Variants in LINGO2 observed in about 807,000 individuals in gnomAD.
LINGO2 encodes the protein leucine rich repeat and Ig domain containing 2.
In LINGO2, 14 loss-of-function variants were observed where a neutral mutation model predicts 30.6. That is an observed-to-expected ratio of 0.46 (90% CI 0.30 to 0.72). The LOEUF (loss-of-function observed/expected upper bound fraction) is 0.72, where lower values mean the gene tolerates loss of function less well. Among genes scored for constraint, LINGO2 ranks in the 30% least tolerant of loss-of-function variants. The pLI, the probability that LINGO2 is intolerant of heterozygous loss-of-function variation, is 0.07. For synonymous variants in LINGO2, 317 were observed against 288.5 expected (o/e 1.10, Z -1.00); for missense variants, 729 against 751.7 (o/e 0.97, Z 0.35).
At chr9:27,983,879 C>A (rs10812715) in intron 5 of LINGO2, among the ~76,000 whole-genome samples, 1 of 151,604 alleles carries the variant, frequency 6.6e-6, no homozygotes, top group Non-Finnish European at 1.5e-5. Flanking sequence ...GCTTTCCTAC[C>A]AGAAATTTCT....
the LINGO2 span, among the ~76,000 whole-genome samples, chr9:29,179,158 AATAT>A: frequency 0.046 from 4,613 of 100,614 alleles, 69 homozygotes; most frequent in Middle Eastern, 0.063. Flanking sequence ...TCTTACTGTA[AATAT>A]ATATATATAT....
chr9:28,749,820 A>T, the LINGO2 span, among the ~76,000 whole-genome samples: 1 of 152,056 alleles, frequency 6.6e-6, no homozygotes, highest in Non-Finnish European at 1.5e-5. Context: ...CTGATAAAAT[A>T]AAGCTCACAA....
At chr9:28,857,574 G>T in the LINGO2 span, among the ~76,000 whole-genome samples, 1 of 151,958 alleles carries the variant, frequency 6.6e-6, no homozygotes, top group Non-Finnish European at 1.5e-5. Context: ...TAGGCAGATT[G>T]GCAAAGGGGC....
chr9:29,070,857 GA>G, the LINGO2 span, among the ~76,000 whole-genome samples: 4 of 150,550 alleles, frequency 2.7e-5, no homozygotes, highest in East Asian at 7.8e-4. Flanking sequence ...TTTATGATTA[GA>G]AGAACAAAGA....
chr9:28,086,978 C>A (rs535931112), intron 4 of LINGO2, among the ~76,000 whole-genome samples: 2 of 152,214 alleles, frequency 1.3e-5, no homozygotes, highest in Admixed American at 6.6e-5. Context: ...ACCTTTGGAT[C>A]AGAGTTAGAC....
the LINGO2 span, among the ~76,000 whole-genome samples, chr9:28,872,427 T>C: frequency 7.9e-5 from 12 of 152,106 alleles, no homozygotes; most frequent in Non-Finnish European, 8.8e-5. Flanking sequence ...ACAATTAAAC[T>C]ATAATGGGGC....
intron 1 of LINGO2, among the ~76,000 whole-genome samples, chr9:28,524,866 T>A (rs1183428642): frequency 6.6e-6 from 1 of 152,116 alleles, no homozygotes; most frequent in Non-Finnish European, 1.5e-5. Flanking sequence ...TCTTTAAAAA[T>A]AGGTAAAGAA....
At chr9:28,414,168 A>T (rs1423173209) in intron 2 of LINGO2, among the ~76,000 whole-genome samples, 1 of 152,046 alleles carries the variant, frequency 6.6e-6, no homozygotes, top group African/African-American at 2.4e-5. Flanking sequence ...CAAAATAAAA[A>T]ATAATAAGAC....
At chr9:28,650,300 T>C (rs1051607174) in intron 1 of LINGO2, among the ~76,000 whole-genome samples, 1 of 152,044 alleles carries the variant, frequency 6.6e-6, no homozygotes. Flanking sequence ...AGAAAGCAGA[T>C]TGAGTTGCTT....
chr9:28,926,733 A>T, the LINGO2 span, among the ~76,000 whole-genome samples: 1 of 152,214 alleles, frequency 6.6e-6, no homozygotes, highest in Non-Finnish European at 1.5e-5. Context: ...TGCTCTATTT[A>T]ACAAACTTCT....
the LINGO2 span, among the ~76,000 whole-genome samples, chr9:28,950,424 G>A: frequency 6.6e-6 from 1 of 152,062 alleles, no homozygotes. Context: ...GAAATGAAGG[G>A]TATTCAAATA....
chr9:27,959,413 T>C (rs1285270867), intron 5 of LINGO2, among the ~76,000 whole-genome samples: 3 of 152,182 alleles, frequency 2.0e-5, no homozygotes, highest in Non-Finnish European at 4.4e-5. Context: ...TATCCCTTTC[T>C]ACATGCTTTA....
At chr9:28,971,988 A>T in the LINGO2 span, among the ~76,000 whole-genome samples, 3 of 152,240 alleles carry the variant, frequency 2.0e-5, no homozygotes, top group Non-Finnish European at 2.9e-5. Flanking sequence ...AAGGGAAGAG[A>T]ACAAGAGTCT....
the LINGO2 span, among the ~76,000 whole-genome samples, chr9:28,968,731 C>T: frequency 6.6e-6 from 1 of 152,058 alleles, no homozygotes; most frequent in African/African-American, 2.4e-5. Context: ...TAACTAGTTT[C>T]ATTTTTAAAA....
the LINGO2 span, among the ~76,000 whole-genome samples, chr9:28,998,470 C>G: frequency 6.6e-6 from 1 of 151,908 alleles, no homozygotes; most frequent in Admixed American, 6.6e-5. Flanking sequence ...TGGAATGCAA[C>G]CTTTTTCCCC....
chr9:28,678,222 G>A, the LINGO2 span, among the ~76,000 whole-genome samples: 2 of 150,382 alleles, frequency 1.3e-5, no homozygotes, highest in African/African-American at 4.9e-5. Flanking sequence ...AAACTTTCCA[G>A]CCCCACCTTC....
rs923502035 is a variant in LINGO2, at chr9:28,035,887, CACACAA to C, written c.-86-23488_-86-23483del. On this transcript the variant is annotated intron_variant, in intron 4 of 5. Transcript: ENST00000379992. ...GGATGAAATGATAGCAGAACACACACACACAAACACACACACACACACACACACATG... is the reference window on the plus strand; with the variant it reads ...GGATGAAATGATAGCAGAACACACACACACACACACACACACACACACATG... 7.4e-5 allele frequency among the ~76,000 whole-genome samples: 5 copies of C among 67,152 alleles called. No individual in the cohort carries two copies. In the Admixed American group the frequency reaches 8.2e-4, roughly 11 times the overall value. 44.1% of individuals were successfully genotyped at this position (67,152 alleles called of 152,430 possible).
chr9:28,373,404 T>A (rs1165599280), intron 2 of LINGO2, among the ~76,000 whole-genome samples: 1 of 152,198 alleles, frequency 6.6e-6, no homozygotes, highest in Non-Finnish European at 1.5e-5. Flanking sequence ...TATTCTGTTG[T>A]TTATAATAAA....
chr9:29,101,645 G>A, the LINGO2 span, among the ~76,000 whole-genome samples: 3 of 152,214 alleles, frequency 2.0e-5, 1 homozygote, highest in South Asian at 4.2e-4. Context: ...ACCTCCCACA[G>A]ATAAGTGAGA....
Sources: allele counts gnomAD v4.1 joint callset (sites outside exome capture counted in the v4.1 genomes callset), GRCh38; gene constraint gnomAD v4.1.1; transcripts MANE v1.5; gene names NCBI Gene and HGNC (gene_info 2026-07-23, HGNC 2026-07-21).